Variants in STRN observed in about 807,000 individuals in gnomAD.
The protein encoded by STRN is striatin.
A neutral mutation model predicts 96.3 loss-of-function variants in STRN; 53 were observed. That is an observed-to-expected ratio of 0.55 (90% CI 0.44 to 0.69). STRN has a LOEUF of 0.69. STRN is among the 30% of genes least tolerant of loss of function. The pLI is 0.00. For missense variants in STRN, 987 were observed against 963.9 expected (o/e 1.02, Z -0.32); for synonymous variants, 428 against 355.9 (o/e 1.20, Z -2.28).
intron 7 of STRN, among the ~76,000 whole-genome samples, chr2:36,887,266 A>AAATAAAT (rs1669260656): frequency 7.3e-6 from 1 of 136,472 alleles, no homozygotes; most frequent in African/African-American, 2.7e-5. Context: ...CATTTCTAGT[A>AAATAAAT]AAATAAATAA....
At chr2:36,899,752 G>A in intron 5 of STRN, 94 bp from the exon 6 acceptor site, 1 of 1,155,628 alleles carries the variant, frequency 8.7e-7, no homozygotes. Context: ...CTATTTATAT[G>A]GTAACTATAA....
At chr2:36,880,995 C>G (rs1669054283) in intron 9 of STRN, among the ~76,000 whole-genome samples, 1 of 152,010 alleles carries the variant, frequency 6.6e-6, no homozygotes. Flanking sequence ...CCTAAGGAGC[C>G]TTAGAACTTA....
Position 36,838,569 on chromosome 2 carries a change from T to C in STRN, c.*10887A>G, listed in dbSNP as rs1235401428. Among the ~76,000 whole-genome samples the C allele has an allele frequency of 3.3e-5, 5 of 152,214 alleles. No homozygotes were observed. Among genetic ancestry groups the C allele is most frequent in the African/African-American group, 9.6e-5 (4 of 41,460 alleles). On this transcript the variant is annotated 3_prime_UTR_variant, in exon 18 of 18. Transcript: ENST00000263918. ...TTCTACGTATTTTTTAATGTTACAA[T>C]AGTTATTGCCATGAGTATTAAGGGA...
At chr2:36,928,125 T>G (rs1572681307) in intron 1 of STRN, among the ~76,000 whole-genome samples, 1 of 152,046 alleles carries the variant, frequency 6.6e-6, no homozygotes, top group East Asian at 1.9e-4. Flanking sequence ...TTAAAACACA[T>G]TCCTACATAA....
chr2:36,966,191 G>T, intron 1 of STRN, 39 bp downstream of exon 1: 1 of 1,501,470 alleles, frequency 6.7e-7, no homozygotes. Context: ...AGGGAGCAAA[G>T]AGGCGGGATG....
chr2:36,935,348 T>C (rs1670676062), intron 1 of STRN, among the ~76,000 whole-genome samples: 1 of 152,232 alleles, frequency 6.6e-6, no homozygotes, highest in Non-Finnish European at 1.5e-5. Flanking sequence ...GTACATATTA[T>C]TTTAACACTT....
intron 7 of STRN, among the ~76,000 whole-genome samples, chr2:36,889,662 C>A (rs1669335416): frequency 6.6e-6 from 1 of 151,442 alleles, no homozygotes; most frequent in African/African-American, 2.4e-5. Context: ...ATGGAGAGAA[C>A]CCTTAAAATC....
intron 2 of STRN, among the ~76,000 whole-genome samples, chr2:36,923,592 T>C (rs888018792): frequency 3.3e-5 from 5 of 152,218 alleles, no homozygotes; most frequent in African/African-American, 1.2e-4. Context: ...GGTCAACCTA[T>C]TTTCAATCTC....
Position 36,851,022 on chromosome 2 carries a change from G to T in STRN, c.2064C>A (p.Ile688=), listed in dbSNP as rs748612226. 1 of 1,608,640 alleles carries T rather than the reference G, an allele frequency of 6.2e-7. No homozygotes were observed. Among genetic ancestry groups the T allele is most frequent in the South Asian group, 1.1e-5 (1 of 90,656 alleles). ...ISITAHEDRH[I]KFYDNNTGKL... ...TACCTGTATTGTTATCATAGAATTT[G>T]ATGTGCCTGTCTTCATGAGCAGTGA... Residue 688 remains isoleucine, a synonymous_variant, in exon 16 of 18, where the codon ATC becomes ATA. Transcript: ENST00000263918.
intron 1 of STRN, among the ~76,000 whole-genome samples, chr2:36,942,027 G>A (rs537434142): frequency 6.6e-6 from 1 of 152,198 alleles, no homozygotes; most frequent in South Asian, 2.1e-4. Flanking sequence ...CCAAGGGCCT[G>A]CTTTCTTAGA....
At chr2:36,884,233 T>C (rs1197058144) in intron 8 of STRN, among the ~76,000 whole-genome samples, 158 bp from the exon 9 acceptor site, 1 of 152,230 alleles carries the variant, frequency 6.6e-6, no homozygotes, top group Non-Finnish European at 1.5e-5. Flanking sequence ...AGTTTTCAAA[T>C]TACTGTAAAA....
chr2:36,849,759 TA>T lies in STRN; in HGVS notation c.2127del (p.Thr710GlnfsTer3). 6.2e-7 allele frequency: 1 copy of T among 1,614,172 alleles called. No homozygotes were observed. The highest frequency in any genetic ancestry group is 8.5e-7 in the Non-Finnish European group (1 of 1,180,000). On this transcript the variant is annotated frameshift_variant, in exon 17 of 18. Coordinates refer to ENST00000263918, the MANE Select transcript of STRN (RefSeq NM_003162.4). LOFTEE classifies it high-confidence loss of function. ...CCATTGGGATCAACTGCTAAACTTG[TA>T]ACAGCTTCTAGGTGGGCTACCATCG... Reference protein sequence around the residue: ...IHSMVAHLEAVTSLAVDPNGL... With the variant: ...IHSMVAHLEAXTSLAVDPNGL...
chr2:36,912,138 G>C (rs1450857829), intron 3 of STRN, among the ~76,000 whole-genome samples: 1 of 152,174 alleles, frequency 6.6e-6, no homozygotes, highest in African/African-American at 2.4e-5. Context: ...GCTATGCTCA[G>C]AATCCAGTCC....
At chr2:36,937,665 T>A (rs538735411) in intron 1 of STRN, among the ~76,000 whole-genome samples, 5 of 147,422 alleles carry the variant, frequency 3.4e-5, no homozygotes, top group Non-Finnish European at 6.0e-5. Flanking sequence ...CAGAGTGAAA[T>A]CTTGCCTTAA....
intron 3 of STRN, among the ~76,000 whole-genome samples, chr2:36,906,872 G>C (rs1345374491): frequency 6.6e-6 from 1 of 151,748 alleles, no homozygotes; most frequent in Non-Finnish European, 1.5e-5. Context: ...AGTGAGCCGA[G>C]ATGATTGCGC....
At chr2:36,941,545 T>G (rs1437124496) in intron 1 of STRN, among the ~76,000 whole-genome samples, 2 of 152,072 alleles carry the variant, frequency 1.3e-5, no homozygotes, top group African/African-American at 4.8e-5. Flanking sequence ...CTTATTTTCT[T>G]ATGTAAACTT....
At chr2:36,932,831 C>G (rs1670608396) in intron 1 of STRN, among the ~76,000 whole-genome samples, 2 of 152,170 alleles carry the variant, frequency 1.3e-5, no homozygotes, top group Admixed American at 1.3e-4. Context: ...AGAAAACCCT[C>G]AACTGCCCAA....
At chr2:36,923,536 T>G (rs559988576) in intron 2 of STRN, among the ~76,000 whole-genome samples, 1 of 152,034 alleles carries the variant, frequency 6.6e-6, no homozygotes, top group East Asian at 1.9e-4. Context: ...CAGCTTTTCA[T>G]CAACTTTCCC....
chr2:36,910,128 G>A (rs1420319330), intron 3 of STRN, among the ~76,000 whole-genome samples: 2 of 150,332 alleles, frequency 1.3e-5, no homozygotes, highest in African/African-American at 2.5e-5. Flanking sequence ...AGCCGAGATC[G>A]TGGCGTCACA....
Sources: allele counts gnomAD v4.1 joint callset (sites outside exome capture counted in the v4.1 genomes callset), GRCh38; gene constraint gnomAD v4.1.1; transcripts MANE v1.5; gene names NCBI Gene and HGNC (gene_info 2026-07-23, HGNC 2026-07-21).